Variants in TSGA10 observed in about 807,000 individuals in gnomAD.
TSGA10 encodes the protein testis specific 10.
In TSGA10, 43 loss-of-function variants were observed where a neutral mutation model predicts 96.6. The observed-to-expected ratio is 0.44, with a 90% CI of 0.35 to 0.57. The LOEUF is 0.57. TSGA10 is among the 20% of genes least tolerant of loss of function. TSGA10 has a pLI of 0.01. For synonymous variants in TSGA10, 229 were observed against 269.9 expected (o/e 0.85, Z 1.48); for missense variants, 703 against 834.4 (o/e 0.84, Z 1.94).
Position 99,037,717 on chromosome 2 carries a change from G to A in TSGA10, c.1405-2278C>T, listed in dbSNP as rs1457685347. On this transcript the variant is annotated intron_variant, in intron 16 of 20. Transcript: ENST00000393483. Reference sequence around the variant, plus strand: ...TACAAAAAATTAGCTGGGTGTGGTGGTGGGTGCCTGTAATCCCAGCTACTC... The same window carrying A: ...TACAAAAAATTAGCTGGGTGTGGTGATGGGTGCCTGTAATCCCAGCTACTC... Among the ~76,000 whole-genome samples, 4 of 152,116 alleles carry A rather than the reference G, an allele frequency of 2.6e-5. No homozygotes were observed. In the East Asian group the frequency reaches 7.7e-4, roughly 29 times the overall value.
chr2:99,141,152 C>T, intron 1 of TSGA10: 1 of 1,269,988 alleles, frequency 7.9e-7, no homozygotes, highest in Non-Finnish European at 1.0e-6. Flanking sequence ...CCGCGACTGT[C>T]AGCTCTCGGC....
chr2:99,054,615 G>A (rs2083773178), intron 16 of TSGA10, among the ~76,000 whole-genome samples: 1 of 151,838 alleles, frequency 6.6e-6, no homozygotes, highest in Non-Finnish European at 1.5e-5. Context: ...AGCTGATAAG[G>A]GCTTAATATT....
At chr2:99,121,183 A>G (rs34252185) in intron 2 of TSGA10, among the ~76,000 whole-genome samples, 88,121 of 151,826 alleles carry the variant, frequency 0.58, 26,455 homozygotes, top group East Asian at 0.88. Context: ...ATAAATGCCC[A>G]GGAGCACAAC....
chr2:99,111,161 CA>C (rs1326191799), intron 4 of TSGA10, among the ~76,000 whole-genome samples: 1 of 151,850 alleles, frequency 6.6e-6, no homozygotes, highest in Non-Finnish European at 1.5e-5. Flanking sequence ...TGTATTTTAC[CA>C]AATTATTCCC....
At chr2:99,057,792 A>G (rs926900059) in intron 16 of TSGA10, among the ~76,000 whole-genome samples, 1 of 152,192 alleles carries the variant, frequency 6.6e-6, no homozygotes, top group African/African-American at 2.4e-5. Flanking sequence ...TAGCCAAACA[A>G]TCTTGAAAAA....
intron 17 of TSGA10, among the ~76,000 whole-genome samples, chr2:99,025,321 C>G (rs2080466177): frequency 6.6e-6 from 1 of 152,140 alleles, no homozygotes; most frequent in South Asian, 2.1e-4. Context: ...CAGGTTTATT[C>G]AGATTTTCTA....
chr2:99,141,040 G>T, intron 1 of TSGA10: 1 of 1,244,560 alleles, frequency 8.0e-7, no homozygotes, highest in Non-Finnish European at 1.0e-6. Flanking sequence ...TTCCAGTCCA[G>T]TAGCAGCACT....
chr2:99,144,249 C>A (rs1398153585), intron 1 of TSGA10, among the ~76,000 whole-genome samples: 2 of 151,880 alleles, frequency 1.3e-5, no homozygotes, highest in Admixed American at 1.3e-4. Flanking sequence ...TCTCGATCTC[C>A]TGACCTCATG....
At chr2:99,055,921 C>T (rs190374376) in intron 16 of TSGA10, among the ~76,000 whole-genome samples, 1 of 150,236 alleles carries the variant, frequency 6.7e-6, no homozygotes, top group South Asian at 2.1e-4. Flanking sequence ...TAACAATAGT[C>T]GGCCAGGCGC....
intron 10 of TSGA10, among the ~76,000 whole-genome samples, chr2:99,092,586 G>C (rs2089486122): frequency 1.3e-5 from 2 of 152,056 alleles, no homozygotes; most frequent in African/African-American, 4.8e-5. Context: ...AATGAAATGG[G>C]AGATATTACA....
In TSGA10 at chr2:99,054,799, A is replaced by G. The variant is rs143033371; in HGVS notation, c.1404+10140T>C. ...ACATTGCTAATTATTAAAGAAATGC[A>G]AAGTAAAAACCACCTCACACCTGTT... On this transcript the variant is annotated intron_variant, in intron 16 of 20. Coordinates refer to ENST00000393483, the MANE Select transcript of TSGA10 (RefSeq NM_025244.4). Among the ~76,000 whole-genome samples the G allele has an allele frequency of 3.2e-3, 488 of 152,310 alleles. 3 individuals are homozygous for G. The highest frequency in any genetic ancestry group is 0.011 in the African/African-American group (465 of 41,582).
At chr2:99,007,705 T>C (rs1006951039) in intron 20 of TSGA10, among the ~76,000 whole-genome samples, 2 of 152,132 alleles carry the variant, frequency 1.3e-5, no homozygotes, top group Non-Finnish European at 2.9e-5. Context: ...GATGAACAAA[T>C]ATTAAACAGT....
intron 12 of TSGA10, among the ~76,000 whole-genome samples, chr2:99,074,000 C>CTTTTTTTTGTTTTTTTTTTT (rs2086309305): frequency 1.9e-5 from 1 of 52,608 alleles, no homozygotes; most frequent in African/African-American, 7.5e-5. Flanking sequence ...TGTTTCTTTT[C>CTTTTTTTTGTTTTTTTTTTT]TTTTTTTTTT....
intron 20 of TSGA10, among the ~76,000 whole-genome samples, chr2:99,010,572 T>G (rs947957684): frequency 2.6e-5 from 4 of 152,214 alleles, no homozygotes; most frequent in Admixed American, 2.6e-4. Context: ...CAGCAGGAAG[T>G]GCCTTGCACA....
chr2:99,109,346 T>C, intron 6 of TSGA10, 43 bp downstream of exon 6: 4 of 1,589,914 alleles, frequency 2.5e-6, no homozygotes, highest in Non-Finnish European at 3.5e-6. Flanking sequence ...AGCCAGTGTC[T>C]GGGCAACAAA....
intron 1 of TSGA10, chr2:99,141,372 G>T (rs940034328): frequency 2.3e-4 from 44 of 193,484 alleles, no homozygotes; most frequent in Admixed American, 1.5e-3. Context: ...CCACCTCCCC[G>T]GCGCCCCAGC....
chr2:99,014,608 C>CT (rs941451866), intron 20 of TSGA10, among the ~76,000 whole-genome samples: 3 of 151,994 alleles, frequency 2.0e-5, no homozygotes, highest in African/African-American at 7.2e-5. Context: ...CAAACCAAAC[C>CT]TAAACCCAGC....
At chr2:99,057,260 T>C (rs563979150) in intron 16 of TSGA10, among the ~76,000 whole-genome samples, 9 of 152,228 alleles carry the variant, frequency 5.9e-5, no homozygotes, top group Non-Finnish European at 1.3e-4. Flanking sequence ...GGCATCCAGA[T>C]TGGAAAGGAA....
intron 1 of TSGA10, among the ~76,000 whole-genome samples, chr2:99,131,585 T>A (rs1338687567): frequency 8.5e-5 from 13 of 152,176 alleles, no homozygotes; most frequent in Admixed American, 8.5e-4. Flanking sequence ...ATTTGACTCC[T>A]CTCTTCCTAT....
Sources: gnomAD v4.1 joint callset for allele counts (sites outside exome capture counted in the v4.1 genomes callset) on GRCh38, gnomAD v4.1.1 for gene constraint, MANE v1.5 for transcripts, NCBI Gene and HGNC (gene_info 2026-07-23, HGNC 2026-07-21) for gene names.